The following SMARCA4 variants were observed in gnomAD, a reference collection of about 807,000 sequenced individuals.
The protein encoded by SMARCA4 is SWI/SNF related BAF chromatin remodeling complex subunit ATPase 4.
A neutral mutation model predicts 193.9 loss-of-function variants in SMARCA4; 31 were observed. That is an observed-to-expected ratio of 0.16 (90% CI 0.12 to 0.22). The LOEUF (loss-of-function observed/expected upper bound fraction) is 0.22. Ranked by LOEUF, SMARCA4 falls within the 10% of genes least tolerant of loss-of-function variation. SMARCA4 has a pLI of 1.00. For missense variants in SMARCA4, 1,148 were observed against 2,296.0 expected, an observed-to-expected ratio of 0.50 and a Z score of 10.22; for synonymous variants, 942 against 933.1, an observed-to-expected ratio of 1.01 and a Z score of -0.17.
At chr19:11,050,662 A>G (rs2076208180) in intron 30 of SMARCA4, among the ~76,000 whole-genome samples, 1 of 152,252 alleles carries the variant, frequency 6.6e-6, no homozygotes, top group African/African-American at 2.4e-5. Flanking sequence ...TTGAGTGGTT[A>G]TACCTTGTGC....
At chr19:11,012,891 G>C (rs1187999686) in intron 15 of SMARCA4, 58 bp from the exon 16 acceptor site, 1 of 1,558,098 alleles carries the variant, frequency 6.4e-7, no homozygotes, top group African/African-American at 1.4e-5. Context: ...GAAGTGGGAG[G>C]ACCCTCTGGT....
intron 16 of SMARCA4, among the ~76,000 whole-genome samples, chr19:11,013,713 A>C (rs1233004356): frequency 6.6e-6 from 1 of 152,072 alleles, no homozygotes; most frequent in Non-Finnish European, 1.5e-5. Context: ...CTCCCACTAG[A>C]AAAGTAGGGT....
Position 11,000,957 on chromosome 19 carries a change from C to CA in SMARCA4, c.1813-2071dup, listed in dbSNP as rs1045064157. 1.4e-3 allele frequency among the ~76,000 whole-genome samples: 215 copies of CA among 151,870 alleles called. 1 individual carries two copies. The highest frequency in any genetic ancestry group is 5.0e-3 in the African/African-American group (208 of 41,434). Reference sequence around the variant, plus strand: ...TGCCTGTCCTGTGGAGTGTTGAGAACAGGCACCGGCACTTGCTGCTGCTTG... The same window carrying CA: ...TGCCTGTCCTGTGGAGTGTTGAGAACAAGGCACCGGCACTTGCTGCTGCTTG... On this transcript the variant is annotated intron_variant, in intron 11 of 34. Transcript: ENST00000344626.
At chr19:11,061,761 C>T (rs758318616) in intron 34 of SMARCA4, 23 bp from the exon 35 acceptor site, 1 of 1,612,914 alleles carries the variant, frequency 6.2e-7, no homozygotes, top group Non-Finnish European at 8.5e-7. Flanking sequence ...AACGCACACT[C>T]TCTCCTCCTG....
At chr19:11,018,013 C>A (rs1171955431) in intron 16 of SMARCA4, among the ~76,000 whole-genome samples, 2 of 152,246 alleles carry the variant, frequency 1.3e-5, no homozygotes, top group East Asian at 3.9e-4. Flanking sequence ...CTCTCCCCAG[C>A]CTTCACCACA....
At chr19:11,060,760 G>A (rs2076818320) in intron 34 of SMARCA4, among the ~76,000 whole-genome samples, 1 of 152,226 alleles carries the variant, frequency 6.6e-6, no homozygotes, top group South Asian at 2.1e-4. Context: ...TGCAAAGCAA[G>A]GAGGCTGCAT....
chr19:10,977,177 G>A (rs898136219), intron 1 of SMARCA4, among the ~76,000 whole-genome samples: 1 of 152,218 alleles, frequency 6.6e-6, no homozygotes, highest in Non-Finnish European at 1.5e-5. Context: ...GCACCTAGGG[G>A]TTTGCTGCTC....
chr19:11,008,975 A>C (rs1041093117), intron 14 of SMARCA4, among the ~76,000 whole-genome samples: 71 of 146,510 alleles, frequency 4.8e-4, no homozygotes, highest in African/African-American at 1.6e-3. Flanking sequence ...CTCCATCTCA[A>C]AAAAAAAAAA....
chr19:11,046,968 GCAAA>G (rs1037875520), intron 30 of SMARCA4, among the ~76,000 whole-genome samples: 26 of 121,368 alleles, frequency 2.1e-4, no homozygotes, highest in Non-Finnish European at 4.1e-4. Flanking sequence ...AAAAAAAAAA[GCAAA>G]AGAAAAGCTG....
At chr19:10,991,392 A>C (rs1166928765) in intron 8 of SMARCA4, 69 bp downstream of exon 8, 1 of 1,547,888 alleles carries the variant, frequency 6.5e-7, no homozygotes, top group Non-Finnish European at 8.7e-7. Flanking sequence ...AGCGGTTGCC[A>C]CGGGGCTGTG....
intron 15 of SMARCA4, chr19:11,010,863 C>T (rs554463470): frequency 1.8e-5 from 7 of 393,196 alleles, no homozygotes; most frequent in South Asian, 4.1e-5. Flanking sequence ...TCCTCAGCAT[C>T]GCACCGTGTG....
intron 16 of SMARCA4, among the ~76,000 whole-genome samples, chr19:11,014,331 T>A (rs2089154399): frequency 6.6e-6 from 1 of 152,220 alleles, no homozygotes; most frequent in Non-Finnish European, 1.5e-5. Context: ...CAGGGAGGAC[T>A]GGAGGAAAGG....
At chr19:10,979,937 A>G (rs1038400508) in intron 1 of SMARCA4, among the ~76,000 whole-genome samples, 1 of 152,176 alleles carries the variant, frequency 6.6e-6, no homozygotes, top group Non-Finnish European at 1.5e-5. Context: ...CGATCAGGGC[A>G]TGTACAAGTC....
Position 10,973,359 on chromosome 19 carries a change from G to T in SMARCA4, c.-31-10762G>T, listed in dbSNP as rs146261416. Among the ~76,000 whole-genome samples the T allele has an allele frequency of 3.3e-5, 5 of 152,058 alleles. No homozygotes were observed. In the East Asian group the frequency reaches 9.7e-4, roughly 29 times the overall value. On this transcript the variant is annotated intron_variant, in intron 1 of 34. Coordinates refer to ENST00000344626, the MANE Select transcript of SMARCA4 (RefSeq NM_003072.5). Reference sequence around the variant, plus strand: ...GGACACTCCCCTAAGGCAGAGAACCGTCCTGGATGCTTTTAGGTCCCTTGG... The same window carrying T: ...GGACACTCCCCTAAGGCAGAGAACCTTCCTGGATGCTTTTAGGTCCCTTGG...
At chr19:11,006,387 T>C (rs955728439) in intron 13 of SMARCA4, among the ~76,000 whole-genome samples, 15 of 152,212 alleles carry the variant, frequency 9.9e-5, no homozygotes, top group Non-Finnish European at 1.8e-4. Flanking sequence ...ATCAGACATA[T>C]TGTAGATGGT....
intron 1 of SMARCA4, among the ~76,000 whole-genome samples, chr19:10,964,761 A>G (rs1019121764): frequency 2.0e-5 from 3 of 151,684 alleles, no homozygotes; most frequent in African/African-American, 7.3e-5. Context: ...GGGACTAAGG[A>G]CGTGCACCAC....
Position 11,031,527 on chromosome 19 carries a change from G to A in SMARCA4, c.3546+634G>A. 1 of 161,106 alleles carries A rather than the reference G, an allele frequency of 6.2e-6. No individual in the cohort carries two copies. The highest frequency in any genetic ancestry group is 1.4e-5 in the Non-Finnish European group (1 of 72,676). 10.0% of individuals were successfully genotyped at this position (161,106 alleles called of 1,614,324 possible). On this transcript the variant is annotated intron_variant, in intron 25 of 34. Coordinates refer to ENST00000344626, the MANE Select transcript of SMARCA4 (RefSeq NM_003072.5). This position sits in a 1 kb window ranked among gnomAD's most constrained non-coding sequence, Gnocchi z 4.3. ...CAACCGTGCTCTCTTCTGAGCCTCT[G>A]CCAGCCCATCTGCCTTCGCACATGT...
At chr19:11,004,677 A>G (rs965089631) in intron 13 of SMARCA4, among the ~76,000 whole-genome samples, 2 of 152,176 alleles carry the variant, frequency 1.3e-5, no homozygotes, top group African/African-American at 4.8e-5. Context: ...CTAGTATGAC[A>G]GTGACTGCTT....
intron 15 of SMARCA4, 151 bp from the exon 16 acceptor site, chr19:11,012,798 C>G: frequency 2.8e-6 from 2 of 725,354 alleles, no homozygotes; most frequent in Non-Finnish European, 2.5e-6. Context: ...CAGTTTGGTT[C>G]AGAGGAAAAA....
Sources: allele counts gnomAD v4.1 joint callset (sites outside exome capture counted in the v4.1 genomes callset), GRCh38; gene constraint gnomAD v4.1.1; non-coding constraint Gnocchi (gnomAD v3.1); transcripts MANE v1.5; gene names NCBI Gene and HGNC (gene_info 2026-07-23, HGNC 2026-07-21).